The following KIAA1217 variants were observed in gnomAD, a reference collection of about 807,000 sequenced individuals.
KIAA1217 encodes the protein sickle tail protein homolog.
Under a neutral mutation model 163.9 loss-of-function variants are expected in KIAA1217, and 88 were observed. The ratio of observed to expected loss-of-function variants is 0.54; its 90% confidence interval spans 0.45 to 0.64. The LOEUF (loss-of-function observed/expected upper bound fraction) is 0.64, where lower values mean the gene tolerates loss of function less well. Among genes scored for constraint, KIAA1217 ranks in the 30% least tolerant of loss-of-function variants. The pLI, the probability that KIAA1217 is intolerant of heterozygous loss-of-function variation, is 0.00. For missense variants in KIAA1217, 2,372 were observed against 2,475.0 expected (o/e 0.96, Z 0.88); for synonymous variants, 903 against 923.1 (o/e 0.98, Z 0.39).
At chr10:23,923,036 C>G (rs906111627) in intron 1 of KIAA1217, among the ~76,000 whole-genome samples, 2 of 152,050 alleles carry the variant, frequency 1.3e-5, no homozygotes, top group Admixed American at 6.5e-5. Context: ...TTTTGGCACA[C>G]CTGTCACCCA....
intron 1 of KIAA1217, among the ~76,000 whole-genome samples, chr10:24,210,843 A>T (rs1380974535): frequency 1.3e-5 from 2 of 152,204 alleles, no homozygotes; most frequent in African/African-American, 4.8e-5. Context: ...ATGAACAAAT[A>T]AATAAAATAT....
chr10:23,770,990 A>T (rs1200033389), intron 1 of KIAA1217, among the ~76,000 whole-genome samples: 1 of 152,256 alleles, frequency 6.6e-6, no homozygotes, highest in Non-Finnish European at 1.5e-5. Context: ...TTCTGTGATC[A>T]GCCCTTTTCT....
chr10:23,879,549 A>T (rs1251341744), intron 1 of KIAA1217, among the ~76,000 whole-genome samples: 2 of 151,936 alleles, frequency 1.3e-5, no homozygotes, highest in Non-Finnish European at 2.9e-5. Flanking sequence ...CATTGGATTT[A>T]CAAGTTGGGT....
intron 1 of KIAA1217, among the ~76,000 whole-genome samples, chr10:23,933,147 G>A (rs950078525): frequency 1.3e-5 from 2 of 152,222 alleles, no homozygotes; most frequent in East Asian, 3.8e-4. Context: ...GCTAGGCGTT[G>A]TGGAGCTAGG....
chr10:23,866,525 T>C (rs985933627), intron 1 of KIAA1217, among the ~76,000 whole-genome samples: 3 of 152,132 alleles, frequency 2.0e-5, no homozygotes, highest in Non-Finnish European at 4.4e-5. Context: ...GTCAAGAGGA[T>C]GTATTTAATC....
At chr10:24,100,275 C>A (rs866034086) in intron 2 of KIAA1217, among the ~76,000 whole-genome samples, 10 of 152,070 alleles carry the variant, frequency 6.6e-5, no homozygotes, top group African/African-American at 2.4e-4. Context: ...GGTTGCACAT[C>A]TGTTTCATTA....
intron 3 of KIAA1217, among the ~76,000 whole-genome samples, chr10:24,429,450 G>A (rs1317341373): frequency 6.6e-6 from 1 of 152,064 alleles, no homozygotes; most frequent in Non-Finnish European, 1.5e-5. Flanking sequence ...GGGGATCTGG[G>A]TACTCTGACA....
intron 2 of KIAA1217, among the ~76,000 whole-genome samples, chr10:24,234,179 A>G (rs2071850970): frequency 6.6e-6 from 1 of 152,134 alleles, no homozygotes; most frequent in African/African-American, 2.4e-5. Context: ...CATGATGCTC[A>G]AAGGTCATGC....
intron 1 of KIAA1217, among the ~76,000 whole-genome samples, chr10:23,822,900 A>G (rs1187879490): frequency 6.6e-6 from 1 of 152,184 alleles, no homozygotes; most frequent in African/African-American, 2.4e-5. Flanking sequence ...ATCAATTAGC[A>G]CATATACCAT....
chr10:24,203,184 CAAA>C (rs5783879), intron 2 of KIAA1217, among the ~76,000 whole-genome samples: 7 of 132,242 alleles, frequency 5.3e-5, no homozygotes, highest in East Asian at 2.5e-4. Flanking sequence ...AAAAACTTGT[CAAA>C]AAAAAAAAAA....
At chr10:24,276,456 A>C (rs1002081437) in intron 2 of KIAA1217, among the ~76,000 whole-genome samples, 4 of 152,142 alleles carry the variant, frequency 2.6e-5, no homozygotes, top group African/African-American at 9.7e-5. Context: ...AAAACAAAAA[A>C]TTTTTAAGAG....
At chr10:23,824,646 AAAAATAAAAAAAAT>A (rs1318467973) in intron 1 of KIAA1217, among the ~76,000 whole-genome samples, 46 of 97,362 alleles carry the variant, frequency 4.7e-4, no homozygotes, top group African/African-American at 2.0e-3. Flanking sequence ...AAAAAAAAAA[AAAAATAAAAAAAAT>A]ATATATATAT....
chr10:24,202,327 G>A (rs1057064100), intron 2 of KIAA1217, among the ~76,000 whole-genome samples: 3 of 152,222 alleles, frequency 2.0e-5, no homozygotes, highest in Non-Finnish European at 4.4e-5. Flanking sequence ...GCTGGCCCTG[G>A]GAGGGAAGGT....
At chr10:24,076,154 C>T (rs1323075057) in intron 2 of KIAA1217, among the ~76,000 whole-genome samples, 2 of 152,204 alleles carry the variant, frequency 1.3e-5, no homozygotes, top group South Asian at 2.1e-4. Flanking sequence ...GGGCTGCCTT[C>T]GGTCACTCCC....
chr10:23,895,821 G>GA (rs1841662587), intron 1 of KIAA1217, among the ~76,000 whole-genome samples: 1 of 151,818 alleles, frequency 6.6e-6, no homozygotes, highest in Non-Finnish European at 1.5e-5. Flanking sequence ...CATAAAAAAT[G>GA]ATGAGTTCAT....
intron 3 of KIAA1217, among the ~76,000 whole-genome samples, chr10:24,393,557 C>G (rs1028273637): frequency 6.6e-6 from 1 of 152,164 alleles, no homozygotes; most frequent in Non-Finnish European, 1.5e-5. Context: ...TGTGCCTACC[C>G]TCTCCCAAAT....
intron 2 of KIAA1217, among the ~76,000 whole-genome samples, chr10:24,380,502 C>T (rs533817058): frequency 6.6e-6 from 1 of 152,014 alleles, no homozygotes; most frequent in Non-Finnish European, 1.5e-5. Context: ...ACTAGCCAGG[C>T]ATGTTGGGGC....
chr10:24,439,803 C>A (rs982352667), intron 5 of KIAA1217, among the ~76,000 whole-genome samples: 3 of 152,100 alleles, frequency 2.0e-5, no homozygotes, highest in Admixed American at 1.3e-4. Context: ...TTTAAGGACA[C>A]TTTAAGGACA....
rs183735387 is a variant in KIAA1217 at position 24,461,555 on chromosome 10, C to A, written c.847-11673C>A. The stretch of plus-strand genomic sequence containing the variant: ...ACTTTTAGTAGAGATGGGGTTTCAC[C>A]ATGTTGTCCAGGCTGGTCTCAAACT... On this transcript the variant is annotated intron_variant, in intron 5 of 20. Transcript: ENST00000376454. Among the ~76,000 whole-genome samples the A allele has an allele frequency of 3.5e-4, 53 of 152,140 alleles. 1 individual carries two copies. The highest frequency in any genetic ancestry group is 1.2e-3 in the African/African-American group (51 of 41,506).
Sources: gnomAD v4.1 joint callset for allele counts (sites outside exome capture counted in the v4.1 genomes callset) on GRCh38, gnomAD v4.1.1 for gene constraint, MANE v1.5 for transcripts, NCBI Gene and HGNC (gene_info 2026-07-23, HGNC 2026-07-21) for gene names.